The following SPATA13 variants were observed in gnomAD, a reference collection of about 807,000 sequenced individuals.
SPATA13 encodes the protein spermatogenesis-associated protein 13.
Under a neutral mutation model 104.0 loss-of-function variants are expected in SPATA13, and 50 were observed. That is an observed-to-expected ratio of 0.48 (90% CI 0.38 to 0.61). The LOEUF (loss-of-function observed/expected upper bound fraction) is 0.61. SPATA13 is among the 20% of genes least tolerant of loss of function. The pLI, the probability that SPATA13 is intolerant of heterozygous loss-of-function variation, is 0.00. For missense variants in SPATA13, 1,524 were observed against 1,690.6 expected, an observed-to-expected ratio of 0.90 and a Z score of 1.73; for synonymous variants, 606 against 667.5, an observed-to-expected ratio of 0.91 and a Z score of 1.42.
intron 2 of SPATA13, among the ~76,000 whole-genome samples, chr13:24,004,517 C>T (rs973718678): frequency 2.6e-5 from 4 of 152,046 alleles, no homozygotes; most frequent in African/African-American, 4.8e-5. Context: ...CTCACAGGGG[C>T]GCAGACGGGA....
chr13:24,122,167 G>A (rs1212152558), intron 3 of SPATA13: 15 of 1,596,428 alleles, frequency 9.4e-6, no homozygotes, highest in Non-Finnish European at 1.3e-5. Flanking sequence ...TGGATTCATG[G>A]GCTGCTCTTC....
intron 3 of SPATA13, among the ~76,000 whole-genome samples, chr13:24,047,948 G>T (rs1311024529): frequency 1.3e-5 from 2 of 152,176 alleles, no homozygotes; most frequent in African/African-American, 4.8e-5. Context: ...AAGCCCAAAG[G>T]CCCAAGAACC....
At chr13:24,037,174 AG>A (rs1593291927) in intron 3 of SPATA13, among the ~76,000 whole-genome samples, 1 of 129,038 alleles carries the variant, frequency 7.7e-6, no homozygotes, top group East Asian at 2.3e-4. Flanking sequence ...GGACACAGGA[AG>A]GGGAACATCA....
At chr13:24,059,033 G>A (rs1439732722) in intron 3 of SPATA13, among the ~76,000 whole-genome samples, 1 of 151,558 alleles carries the variant, frequency 6.6e-6, no homozygotes, top group Non-Finnish European at 1.5e-5. Context: ...GTGCAGTGGC[G>A]GAATCTCCAC....
exon 3 of SPATA13, chr13:24,017,672 G>C: frequency 3.0e-6 from 3 of 985,336 alleles, no homozygotes; most frequent in Non-Finnish European, 3.6e-6. Context: ...TCCAGAGCTT[G>C]TCTTCAAGAG....
At chr13:24,172,092 C>T (rs1168273749) in intron 1 of SPATA13, among the ~76,000 whole-genome samples, 1 of 152,110 alleles carries the variant, frequency 6.6e-6, no homozygotes, top group African/African-American at 2.4e-5. Flanking sequence ...CCTGCTTGTC[C>T]ATGCACACTC....
At chr13:24,121,906 A>G (rs889918601) in intron 3 of SPATA13, among the ~76,000 whole-genome samples, 21 of 151,886 alleles carry the variant, frequency 1.4e-4, no homozygotes, top group Non-Finnish European at 7.4e-5. Flanking sequence ...TTCCAGTGCC[A>G]GGTTGCATGA....
At chr13:24,155,789 C>T (rs573407049), upstream of SPATA13, among the ~76,000 whole-genome samples, 3 of 152,196 alleles carry the variant, frequency 2.0e-5, no homozygotes, top group Non-Finnish European at 4.4e-5. Context: ...ATCCACAGAA[C>T]ATTTCTCATC....
intron 3 of SPATA13, among the ~76,000 whole-genome samples, chr13:24,096,220 T>TA (rs530653651): frequency 9.8e-4 from 150 of 152,312 alleles, no homozygotes; most frequent in South Asian, 3.9e-3. Context: ...GTGGAGCTTA[T>TA]AGTCTCGGGA....
At chr13:24,142,954 C>T (rs1221926995) in intron 3 of SPATA13, among the ~76,000 whole-genome samples, 2 of 152,196 alleles carry the variant, frequency 1.3e-5, no homozygotes, top group African/African-American at 4.8e-5. Context: ...TCCATCCATG[C>T]CTGGCCTCTC....
intron 2 of SPATA13, among the ~76,000 whole-genome samples, chr13:24,007,305 G>A (rs1321753148): frequency 6.6e-6 from 1 of 152,176 alleles, no homozygotes; most frequent in Non-Finnish European, 1.5e-5. Context: ...CATCTTTGAG[G>A]GGTGAGGCTT....
chr13:24,240,824 C>G (rs370713769), intron 2 of SPATA13, among the ~76,000 whole-genome samples: 179 of 152,322 alleles, frequency 1.2e-3, no homozygotes, highest in African/African-American at 3.9e-3. Context: ...TTATCATCCA[C>G]GTAACACATT....
At chr13:24,063,210 G>T (rs368554553) in intron 3 of SPATA13, among the ~76,000 whole-genome samples, 1 of 152,116 alleles carries the variant, frequency 6.6e-6, no homozygotes, top group East Asian at 1.9e-4. Flanking sequence ...TTTTATTCGC[G>T]TCTGCCTCCT....
At chr13:24,072,632 C>T (rs1363991240) in intron 3 of SPATA13, among the ~76,000 whole-genome samples, 1 of 152,096 alleles carries the variant, frequency 6.6e-6, no homozygotes, top group Non-Finnish European at 1.5e-5. Flanking sequence ...TTGAATCTGC[C>T]TTCTGGATTT....
chr13:24,211,335 T>A (rs1429441078), intron 1 of SPATA13, among the ~76,000 whole-genome samples: 1 of 152,222 alleles, frequency 6.6e-6, no homozygotes, highest in Non-Finnish European at 1.5e-5. Flanking sequence ...TTATTTCTGA[T>A]GCTAGAGGAA....
At chr13:24,095,635 T>TA (rs550407424) in intron 3 of SPATA13, among the ~76,000 whole-genome samples, 51 of 152,050 alleles carry the variant, frequency 3.4e-4, no homozygotes, top group African/African-American at 1.2e-3. Context: ...TAGATAACAG[T>TA]AAAATGAGAC....
intron 4 of SPATA13, among the ~76,000 whole-genome samples, chr13:24,283,455 A>G (rs1331681058): frequency 6.6e-6 from 1 of 152,246 alleles, no homozygotes; most frequent in African/African-American, 2.4e-5. Flanking sequence ...TGAGTCTGAA[A>G]GAAGAGACTG....
At chr13:24,012,117 ACT>A (rs1273681484) in intron 2 of SPATA13, among the ~76,000 whole-genome samples, 2 of 152,178 alleles carry the variant, frequency 1.3e-5, no homozygotes, top group Non-Finnish European at 2.9e-5. Flanking sequence ...TGGCAAACAC[ACT>A]GTCAAGAAGC....
chr13:24,285,352 G>A (rs1448826902), intron 5 of SPATA13, among the ~76,000 whole-genome samples: 1 of 152,186 alleles, frequency 6.6e-6, no homozygotes, highest in Non-Finnish European at 1.5e-5. Flanking sequence ...AATAGCATAT[G>A]TGCATAACTT....
Sources: allele counts gnomAD v4.1 joint callset (sites outside exome capture counted in the v4.1 genomes callset), GRCh38; gene constraint gnomAD v4.1.1; transcripts MANE v1.5; gene names NCBI Gene and HGNC (gene_info 2026-07-23, HGNC 2026-07-21).